The following ANK3 variants were observed in gnomAD, a reference collection of about 807,000 sequenced individuals.
The protein encoded by ANK3 is ankyrin 3, also known as ankyrin-3.
ANK3 carries 57 observed loss-of-function variants against 370.9 expected under a neutral mutation model. The observed-to-expected ratio is 0.15, with a 90% CI of 0.12 to 0.19. The LOEUF (loss-of-function observed/expected upper bound fraction) is 0.19, where lower values mean the gene tolerates loss of function less well. ANK3 is among the 10% of genes least tolerant of loss of function. The probability of loss-of-function intolerance (pLI) is 1.00; values close to 1 mark genes in which losing one functional copy is unlikely to be tolerated. For synonymous variants in ANK3, 1,929 were observed against 1,946.3 expected, an observed-to-expected ratio of 0.99 and a Z score of 0.23; for missense variants, 4,439 against 5,302.1, an observed-to-expected ratio of 0.84 and a Z score of 5.06.
At chr10:60,278,480 C>G (rs970661331) in intron 4 of ANK3, among the ~76,000 whole-genome samples, 6 of 151,980 alleles carry the variant, frequency 3.9e-5, no homozygotes, top group African/African-American at 1.5e-4. Context: ...GAACAAGTGA[C>G]TCTCGTGCCT....
At chr10:60,052,095 T>C (rs1021623280) in intron 42 of ANK3, among the ~76,000 whole-genome samples, 5 of 152,190 alleles carry the variant, frequency 3.3e-5, no homozygotes, top group African/African-American at 1.2e-4. Flanking sequence ...GCACGGTGGC[T>C]CACACCTGTA....
At chr10:60,246,909 A>G (rs193134786) in intron 7 of ANK3, among the ~76,000 whole-genome samples, 1 of 152,322 alleles carries the variant, frequency 6.6e-6, no homozygotes, top group Non-Finnish European at 1.5e-5. Flanking sequence ...CAGAGGAGAA[A>G]GACTAGGATG....
intron 25 of ANK3, among the ~76,000 whole-genome samples, chr10:60,129,566 A>T (rs1212435954): frequency 6.6e-6 from 1 of 152,224 alleles, no homozygotes; most frequent in Non-Finnish European, 1.5e-5. Context: ...AGCCTGGGCA[A>T]CATGGCAAAA....
intron 1 of ANK3, among the ~76,000 whole-genome samples, chr10:60,311,732 T>C (rs933401450): frequency 2.0e-5 from 3 of 152,180 alleles, no homozygotes; most frequent in Non-Finnish European, 4.4e-5. Flanking sequence ...TGCAGTTCCC[T>C]CCACCTGGAA....
intron 2 of ANK3, among the ~76,000 whole-genome samples, chr10:60,547,899 G>C (rs1405821758): frequency 6.6e-6 from 1 of 152,078 alleles, no homozygotes; most frequent in Non-Finnish European, 1.5e-5. Context: ...GGACATCATA[G>C]CCCTAAGTTT....
chr10:60,096,137 C>T (rs2090085904), intron 28 of ANK3, among the ~76,000 whole-genome samples: 1 of 152,074 alleles, frequency 6.6e-6, no homozygotes, highest in Admixed American at 6.6e-5. Flanking sequence ...CATGCCACTG[C>T]ACTGCAGCCT....
chr10:60,642,893 A>C (rs1357893735), intron 1 of ANK3, among the ~76,000 whole-genome samples: 1 of 142,468 alleles, frequency 7.0e-6, no homozygotes, highest in Non-Finnish European at 1.5e-5. Flanking sequence ...AATATTATAC[A>C]TGATATAAAA....
intron 42 of ANK3, among the ~76,000 whole-genome samples, chr10:60,049,147 T>G (rs938831772): frequency 6.6e-6 from 1 of 152,240 alleles, no homozygotes; most frequent in African/African-American, 2.4e-5. Flanking sequence ...TATAACTATT[T>G]TTTAGCCTTT....
intron 2 of ANK3, among the ~76,000 whole-genome samples, chr10:60,612,887 A>C (rs1158481458): frequency 6.6e-6 from 1 of 152,194 alleles, no homozygotes; most frequent in Non-Finnish European, 1.5e-5. Flanking sequence ...TAAAGACAGC[A>C]TTTATACCAT....
intron 23 of ANK3, chr10:60,145,951 AGAG>A (rs1363105555): frequency 2.6e-6 from 2 of 766,322 alleles, no homozygotes; most frequent in East Asian, 2.7e-5. Flanking sequence ...ACTGGGGCAA[AGAG>A]GAGGGAGACT....
intron 1 of ANK3, among the ~76,000 whole-genome samples, chr10:60,661,244 A>G (rs1283029756): frequency 1.3e-5 from 2 of 152,036 alleles, no homozygotes; most frequent in Non-Finnish European, 2.9e-5. Flanking sequence ...AAAATTACAT[A>G]TAAACATATA....
chr10:60,080,367 C>T, intron 36 of ANK3, 170 bp downstream of exon 36: 1 of 580,830 alleles, frequency 1.7e-6, no homozygotes, highest in Non-Finnish European at 3.0e-6. Flanking sequence ...GTTTTTACCT[C>T]ACATCTTCAA....
chr10:60,317,406 G>A (rs2047674345), intron 1 of ANK3, among the ~76,000 whole-genome samples: 1 of 152,118 alleles, frequency 6.6e-6, no homozygotes, highest in Admixed American at 6.5e-5. Flanking sequence ...TTACAGGCAT[G>A]AGCCACTGTG....
intron 2 of ANK3, among the ~76,000 whole-genome samples, chr10:60,569,600 T>A (rs1798867490): frequency 6.6e-6 from 1 of 152,152 alleles, no homozygotes; most frequent in African/African-American, 2.4e-5. Context: ...ATCATTATAT[T>A]CCTGATCAAA....
intron 1 of ANK3, among the ~76,000 whole-genome samples, chr10:60,373,115 C>T (rs992884044): frequency 9.9e-5 from 15 of 152,124 alleles, no homozygotes; most frequent in Non-Finnish European, 1.8e-4. Context: ...TTGTAGCATC[C>T]CCCATCATTT....
intron 1 of ANK3, among the ~76,000 whole-genome samples, chr10:60,695,896 A>G (rs1303958077): frequency 1.3e-5 from 2 of 151,708 alleles, no homozygotes; most frequent in Middle Eastern, 3.4e-3. Context: ...AGAAATAACT[A>G]AAATCAGAGC....
intron 2 of ANK3, among the ~76,000 whole-genome samples, chr10:60,477,510 C>T (rs897076106): frequency 7.6e-6 from 1 of 132,090 alleles, no homozygotes; most frequent in African/African-American, 2.8e-5. Context: ...GACAGACAGA[C>T]AGACATACAC....
intron 43 of ANK3, among the ~76,000 whole-genome samples, chr10:60,032,459 C>T (rs1396041083): frequency 2.0e-5 from 3 of 152,030 alleles, no homozygotes; most frequent in East Asian, 1.9e-4. Context: ...CCACCTGCCT[C>T]GGCCTCCCAA....
At chr10:60,629,216 C>G (rs375613363) in intron 1 of ANK3, among the ~76,000 whole-genome samples, 1 of 152,064 alleles carries the variant, frequency 6.6e-6, no homozygotes, top group Non-Finnish European at 1.5e-5. Context: ...TGACAAGGAG[C>G]TTTATTACAT....
Sources: allele counts gnomAD v4.1 joint callset (sites outside exome capture counted in the v4.1 genomes callset), GRCh38; gene constraint gnomAD v4.1.1; transcripts MANE v1.5; gene names NCBI Gene and HGNC (gene_info 2026-07-23, HGNC 2026-07-21).